The following IL2RB variants were observed in gnomAD, a reference collection of about 807,000 sequenced individuals.
IL2RB encodes the protein interleukin-2 receptor subunit beta.
In IL2RB, 17 loss-of-function variants were observed where a neutral mutation model predicts 44.2. The ratio of observed to expected loss-of-function variants is 0.38; its 90% confidence interval spans 0.26 to 0.58. IL2RB has a LOEUF of 0.58. IL2RB is among the 20% of genes least tolerant of loss of function. IL2RB has a pLI of 0.63. For missense variants in IL2RB, 624 were observed against 685.5 expected, an observed-to-expected ratio of 0.91 and a Z score of 1.00; for synonymous variants, 286 against 297.9, an observed-to-expected ratio of 0.96 and a Z score of 0.41.
intron 1 of IL2RB, among the ~76,000 whole-genome samples, chr22:37,172,832 T>C (rs541010575): frequency 2.0e-5 from 3 of 152,260 alleles, no homozygotes; most frequent in Admixed American, 1.3e-4. Context: ...CCAGCCACCA[T>C]TGGCTGTGGG....
At chr22:37,164,889 C>T (rs1164996973) in intron 1 of IL2RB, among the ~76,000 whole-genome samples, 1 of 152,202 alleles carries the variant, frequency 6.6e-6, no homozygotes, top group Non-Finnish European at 1.5e-5. Flanking sequence ...TGATTCCCGA[C>T]TATGCTGAAG....
intron 7 of IL2RB, 47 bp downstream of exon 7, chr22:37,136,180 CG>C (rs1569043235): frequency 6.4e-7 from 1 of 1,562,802 alleles, no homozygotes; most frequent in East Asian, 2.3e-5. Context: ...CTCCTCCAGC[CG>C]CCCCCTCCTG....
At chr22:37,155,770 A>AG (rs11397779) in intron 1 of IL2RB, among the ~76,000 whole-genome samples, 152,315 of 152,324 alleles carry the variant, frequency 1, 76,153 homozygotes, top group Middle Eastern at 1. Context: ...CTCCTCCACG[A>AG]GCTCCACGCC....
intron 3 of IL2RB, among the ~76,000 whole-genome samples, 192 bp downstream of exon 3, chr22:37,143,329 T>C (rs1405911029): frequency 6.6e-6 from 1 of 152,140 alleles, no homozygotes; most frequent in East Asian, 1.9e-4. Flanking sequence ...GAAGTCTAAA[T>C]AGCTGACTCC....
chr22:37,163,375 G>A (rs1029381270), intron 1 of IL2RB, among the ~76,000 whole-genome samples: 1 of 152,158 alleles, frequency 6.6e-6, no homozygotes, highest in African/African-American at 2.4e-5. Context: ...GAAAGGGTGG[G>A]GTACTTTGAT....
intron 1 of IL2RB, among the ~76,000 whole-genome samples, chr22:37,147,201 C>T (rs1057199330): frequency 2.0e-5 from 3 of 152,166 alleles, no homozygotes; most frequent in Admixed American, 6.5e-5. Flanking sequence ...TTAAATGCAG[C>T]AATCAGGGCC....
At chr22:37,172,631 G>T (rs571701610) in intron 1 of IL2RB, among the ~76,000 whole-genome samples, 1 of 152,346 alleles carries the variant, frequency 6.6e-6, no homozygotes, top group Non-Finnish European at 1.5e-5. Context: ...CACCCAAGCC[G>T]CATTTCTAAT....
rs533003872 is a variant in IL2RB, at chr22:37,161,589, G to A, written c.-34+13369C>T. On this transcript the variant is annotated intron_variant, in intron 1 of 5. Transcript: ENST00000429622. ...CAGAAGCCTCAGCTCCAGACCTCAG[G>A]CGGGGAGAGCATGTGACCAGGTTCC... is the stretch of plus-strand genomic sequence containing the variant. Among the ~76,000 whole-genome samples the A allele has an allele frequency of 4.2e-5, 5 of 118,816 alleles. No homozygotes were observed. The South Asian group carries it at 1.5e-3, about 35-fold the overall frequency. 77.9% of individuals were successfully genotyped at this position (118,816 alleles called of 152,430 possible). A position where few individuals can be genotyped will look rare whatever the true frequency, so the allele number is the denominator to read the frequency against.
chr22:37,154,081 G>A (rs752022313), upstream of IL2RB, among the ~76,000 whole-genome samples: 8 of 152,202 alleles, frequency 5.3e-5, no homozygotes, highest in Admixed American at 1.3e-4. Flanking sequence ...AGGCCAGCGG[G>A]GTAGGACCAA....
intron 3 of IL2RB, 24 bp from the exon 4 acceptor site, chr22:37,142,536 T>G: frequency 1.2e-6 from 2 of 1,611,608 alleles, no homozygotes; most frequent in Non-Finnish European, 1.7e-6. Flanking sequence ...AGACCCTCTT[T>G]AGAAGAACAG....
At chr22:37,142,672 TGG>T in intron 3 of IL2RB, 160 bp from the exon 4 acceptor site, 1 of 731,216 alleles carries the variant, frequency 1.4e-6, no homozygotes, top group Non-Finnish European at 2.5e-6. Context: ...CCTCCCCCAC[TGG>T]CTCCATGGCA....
At chr22:37,162,141 A>T (rs1041096559) in intron 1 of IL2RB, among the ~76,000 whole-genome samples, 2 of 152,220 alleles carry the variant, frequency 1.3e-5, no homozygotes, top group Non-Finnish European at 2.9e-5. Flanking sequence ...GATTTGAAAT[A>T]GTCTTTAATT....
chr22:37,139,994 G>A (rs1161361336), intron 4 of IL2RB, among the ~76,000 whole-genome samples: 1 of 152,240 alleles, frequency 6.6e-6, no homozygotes, highest in Non-Finnish European at 1.5e-5. Context: ...GGGCTGCCGA[G>A]TGAGCAGCTT....
chr22:37,140,164 C>A (rs1168601727), intron 4 of IL2RB, among the ~76,000 whole-genome samples: 2 of 152,168 alleles, frequency 1.3e-5, no homozygotes, highest in Non-Finnish European at 2.9e-5. Flanking sequence ...CCACTATGGG[C>A]AAACCTTAAA....
intron 8 of IL2RB, 126 bp from the exon 9 acceptor site, chr22:37,132,594 G>T: frequency 3.0e-6 from 2 of 671,330 alleles, no homozygotes; most frequent in East Asian, 2.8e-5. Context: ...TATTTCTTCC[G>T]CCGATACTAA....
At chr22:37,130,854 A>G (rs1365137707) in intron 9 of IL2RB, among the ~76,000 whole-genome samples, 2 of 152,232 alleles carry the variant, frequency 1.3e-5, no homozygotes, top group East Asian at 3.8e-4. Context: ...AAGGAAATAC[A>G]TTCCCGCACA....
intron 8 of IL2RB, among the ~76,000 whole-genome samples, chr22:37,134,640 A>C (rs891236723): frequency 7.2e-5 from 11 of 152,158 alleles, no homozygotes; most frequent in Non-Finnish European, 1.6e-4. Context: ...AACAAAAATC[A>C]GAGACTTGAG....
At chr22:37,139,058 A>T in intron 5 of IL2RB, 59 bp downstream of exon 5, 1 of 1,069,864 alleles carries the variant, frequency 9.3e-7, no homozygotes, top group Non-Finnish European at 1.4e-6. Flanking sequence ...ATCCCAGAGG[A>T]GGTGGAAGGA....
intron 1 of IL2RB, among the ~76,000 whole-genome samples, chr22:37,165,771 A>G (rs574097022): frequency 2.0e-5 from 3 of 152,180 alleles, no homozygotes; most frequent in East Asian, 3.9e-4. Flanking sequence ...AGGCCTACCC[A>G]GGGCAAGTGC....
Sources: gnomAD v4.1 joint callset for allele counts (sites outside exome capture counted in the v4.1 genomes callset) on GRCh38, gnomAD v4.1.1 for gene constraint, MANE v1.5 for transcripts, NCBI Gene and HGNC (gene_info 2026-07-23, HGNC 2026-07-21) for gene names.